ITGA9: variants seen among roughly 807,000 people sequenced by gnomAD.
ITGA9 encodes integrin alpha-9.
In ITGA9, 56 loss-of-function variants were observed where a neutral mutation model predicts 127.8. The ratio of observed to expected loss-of-function variants is 0.44; its 90% CI spans 0.35 to 0.55. The LOEUF is 0.55. Ranked by LOEUF, ITGA9 falls within the 20% of genes least tolerant of loss-of-function variation. ITGA9 has a pLI of 0.00. For missense variants in ITGA9, 1,196 were observed against 1,347.1 expected (o/e 0.89, Z 1.76); for synonymous variants, 508 against 514.5 (o/e 0.99, Z 0.17).
At chr3:37,672,153 C>A (rs957747367) in intron 17 of ITGA9, among the ~76,000 whole-genome samples, 50 of 152,084 alleles carry the variant, frequency 3.3e-4, no homozygotes, top group Admixed American at 3.3e-3. Context: ...GAAACTAGGG[C>A]AGGACTGCTG....
chr3:37,812,898 CATT>C (rs1409136585), intron 27 of ITGA9, among the ~76,000 whole-genome samples: 1 of 152,270 alleles, frequency 6.6e-6, no homozygotes, highest in Non-Finnish European at 1.5e-5. Flanking sequence ...CTTAGCCCAT[CATT>C]AATCATTTCC....
chr3:37,804,022 G>A (rs1013461184), intron 27 of ITGA9, 80 bp downstream of exon 27: 2 of 1,602,814 alleles, frequency 1.2e-6, no homozygotes, highest in Non-Finnish European at 1.7e-6. Context: ...GGAAGAAGGA[G>A]TATCCTGTTA....
chr3:37,506,340 G>T (rs915321235), intron 7 of ITGA9, among the ~76,000 whole-genome samples: 1 of 152,108 alleles, frequency 6.6e-6, no homozygotes. Context: ...GACCATGTGT[G>T]TGTGTGTAAT....
At chr3:37,674,644 CA>C (rs1009164483) in intron 17 of ITGA9, among the ~76,000 whole-genome samples, 1 of 152,158 alleles carries the variant, frequency 6.6e-6, no homozygotes, top group African/African-American at 2.4e-5. Flanking sequence ...TAAGAACCTG[CA>C]CAGCATGAGC....
At chr3:37,685,545 A>G (rs910068083) in intron 18 of ITGA9, among the ~76,000 whole-genome samples, 1 of 152,168 alleles carries the variant, frequency 6.6e-6, no homozygotes, top group Non-Finnish European at 1.5e-5. Flanking sequence ...CTGTGATGCC[A>G]TCTCCCTGTG....
At chr3:37,476,559 A>C (rs183188352) in intron 3 of ITGA9, among the ~76,000 whole-genome samples, 1 of 151,964 alleles carries the variant, frequency 6.6e-6, no homozygotes, top group East Asian at 1.9e-4. Context: ...ATTGTTGTTG[A>C]GTTATCCTCA....
chr3:37,776,417 A>G (rs1290875070), intron 23 of ITGA9, among the ~76,000 whole-genome samples: 1 of 152,226 alleles, frequency 6.6e-6, no homozygotes, highest in Non-Finnish European at 1.5e-5. Flanking sequence ...GAACAACTAT[A>G]TTTTACTCAA....
At chr3:37,767,707 G>A (rs1696795165) in intron 23 of ITGA9, among the ~76,000 whole-genome samples, 1 of 152,010 alleles carries the variant, frequency 6.6e-6, no homozygotes, top group African/African-American at 2.4e-5. Context: ...TTGGATTTTT[G>A]TCCTTAAATA....
chr3:37,797,764 C>T (rs555392638), intron 26 of ITGA9, among the ~76,000 whole-genome samples: 19 of 152,008 alleles, frequency 1.2e-4, no homozygotes, highest in African/African-American at 4.1e-4. Flanking sequence ...CTCACTGTGT[C>T]GCTCAGGCTG....
At chr3:37,613,069 C>T (rs915136346) in intron 15 of ITGA9, among the ~76,000 whole-genome samples, 3 of 151,700 alleles carry the variant, frequency 2.0e-5, no homozygotes, top group Non-Finnish European at 4.4e-5. Context: ...CCCATTAACT[C>T]GTCATTTATC....
At chr3:37,786,457 G>T (rs542623315) in intron 26 of ITGA9, among the ~76,000 whole-genome samples, 31 of 152,268 alleles carry the variant, frequency 2.0e-4, no homozygotes, top group Admixed American at 7.2e-4. Flanking sequence ...AGCCAGTCGT[G>T]GTGGTAGGCT....
At chr3:37,543,925 G>T (rs1432633118) in intron 15 of ITGA9, among the ~76,000 whole-genome samples, 2 of 152,242 alleles carry the variant, frequency 1.3e-5, no homozygotes, top group Non-Finnish European at 2.9e-5. Context: ...TCCTGTGCCT[G>T]TTAAGCCATA....
At chr3:37,767,490 T>A (rs530627694) in intron 23 of ITGA9, among the ~76,000 whole-genome samples, 6 of 152,216 alleles carry the variant, frequency 3.9e-5, no homozygotes, top group Non-Finnish European at 7.3e-5. Context: ...TAAGTGATAC[T>A]AGGTCATTCT....
At chr3:37,648,212 G>A (rs1700398003) in intron 16 of ITGA9, among the ~76,000 whole-genome samples, 1 of 151,934 alleles carries the variant, frequency 6.6e-6, no homozygotes, top group Admixed American at 6.6e-5. Context: ...TTTTATAGTA[G>A]CCATCCTAAC....
intron 11 of ITGA9, among the ~76,000 whole-genome samples, chr3:37,522,724 TAAA>T (rs35125393): frequency 2.1e-5 from 3 of 145,560 alleles, no homozygotes; most frequent in East Asian, 2.0e-4. Flanking sequence ...CTCTATCTCT[TAAA>T]AAAAAAAAAA....
chr3:37,642,950 A>G (rs1407640971), intron 16 of ITGA9, among the ~76,000 whole-genome samples: 2 of 152,252 alleles, frequency 1.3e-5, no homozygotes, highest in Admixed American at 6.5e-5. Flanking sequence ...CTGGCTTAAC[A>G]TGCCATTATT....
intron 18 of ITGA9, among the ~76,000 whole-genome samples, chr3:37,687,104 A>AAAAT (rs1224986166): frequency 1.3e-5 from 2 of 152,244 alleles, no homozygotes; most frequent in Non-Finnish European, 2.9e-5. Context: ...TTTACAGAGC[A>AAAAT]TCTACTTTTT....
At chr3:37,683,751 G>C in intron 17 of ITGA9, 114 bp from the exon 18 acceptor site, 3 of 1,069,348 alleles carry the variant, frequency 2.8e-6, no homozygotes, top group Non-Finnish European at 4.2e-6. Context: ...TGGGGCTCCT[G>C]GAACTTGTAG....
At chr3:37,732,676 T>C in intron 18 of ITGA9, 36 bp from the exon 19 acceptor site, 1 of 1,537,848 alleles carries the variant, frequency 6.5e-7, no homozygotes, top group Non-Finnish European at 8.9e-7. Flanking sequence ...CTGCCTTTTG[T>C]GCAGCCGGCC....
Sources: allele counts gnomAD v4.1 joint callset (sites outside exome capture counted in the v4.1 genomes callset), GRCh38; gene constraint gnomAD v4.1.1; transcripts MANE v1.5; gene names NCBI Gene and HGNC (gene_info 2026-07-23, HGNC 2026-07-21).